EYS: variants seen among roughly 807,000 people sequenced by gnomAD.
EYS encodes the protein EGF-like photoreceptor maintenance factor.
In EYS, 250 loss-of-function variants were observed where a neutral mutation model predicts 282.1. The observed-to-expected ratio is 0.89, with a 90% CI of 0.80 to 0.98. EYS has a LOEUF of 0.98. Among genes scored for constraint, EYS ranks in the 50% least tolerant of loss-of-function variants. The pLI is 0.00. For missense variants in EYS, 4,016 were observed against 3,709.0 expected, an observed-to-expected ratio of 1.08 and a Z score of -2.15; for synonymous variants, 1,355 against 1,282.9, an observed-to-expected ratio of 1.06 and a Z score of -1.20.
intron 12 of EYS, among the ~76,000 whole-genome samples, chr6:65,069,412 C>T (rs1302294285): frequency 6.6e-6 from 1 of 151,958 alleles, no homozygotes; most frequent in Non-Finnish European, 1.5e-5. Flanking sequence ...CTGCCTTTCC[C>T]TCTACAGAAA....
chr6:63,845,463 T>C (rs763389044), intron 36 of EYS, among the ~76,000 whole-genome samples: 12 of 151,918 alleles, frequency 7.9e-5, no homozygotes, highest in Non-Finnish European at 1.6e-4. Context: ...AATTAAGGCA[T>C]GCAGATGTTA....
chr6:65,031,013 C>T (rs912569538), intron 13 of EYS, among the ~76,000 whole-genome samples: 1 of 151,674 alleles, frequency 6.6e-6, no homozygotes, highest in African/African-American at 2.4e-5. Context: ...TAATTTCAGA[C>T]AAAACAGATT....
intron 29 of EYS, among the ~76,000 whole-genome samples, chr6:64,329,845 CAT>C (rs1479942804): frequency 6.6e-6 from 1 of 152,138 alleles, no homozygotes; most frequent in Admixed American, 6.5e-5. Context: ...GTGTCCAACC[CAT>C]ATACAATGCT....
intron 5 of EYS, chr6:65,490,073 C>T (rs1444128516): frequency 2.0e-5 from 3 of 153,274 alleles, no homozygotes; most frequent in African/African-American, 7.2e-5. Context: ...CATGGCATAC[C>T]TATGTAACAA....
chr6:65,297,824 T>C (rs1054763656), intron 11 of EYS, among the ~76,000 whole-genome samples: 2 of 152,174 alleles, frequency 1.3e-5, no homozygotes, highest in African/African-American at 4.8e-5. Flanking sequence ...CCTAGGTAAA[T>C]TCAAAACAAC....
chr6:64,191,852 G>A lies in EYS; in HGVS notation c.6424+38740C>T, dbSNP rs528803204. On this transcript the variant is annotated intron_variant, in intron 31 of 42. Coordinates refer to ENST00000503581, the MANE Select transcript of EYS (RefSeq NM_001142800.2). Reference sequence around the variant, plus strand: ...CCTTTGGGTATATACCCAGTAATGGGATGGCTGGGTCAAATGGTATTTCTA... The same window carrying A: ...CCTTTGGGTATATACCCAGTAATGGAATGGCTGGGTCAAATGGTATTTCTA... Among the ~76,000 whole-genome samples the A allele has an allele frequency of 9.9e-5, 15 of 151,268 alleles. No individual in the cohort carries two copies. The East Asian group carries it at 2.9e-3, about 30-fold the overall frequency.
intron 35 of EYS, among the ~76,000 whole-genome samples, chr6:63,878,565 GC>G (rs1357804825): frequency 9.2e-5 from 14 of 152,172 alleles, no homozygotes; most frequent in African/African-American, 2.9e-4. Context: ...GCTATGCCCT[GC>G]CCGCAGAGGC....
In EYS at chr6:65,394,558, A is replaced by G. The variant is rs114988585; in HGVS notation, c.1184+7920T>C. Among the ~76,000 whole-genome samples the G allele has an allele frequency of 5.8e-3, 887 of 152,260 alleles. 13 individuals carry two copies. Among genetic ancestry groups the G allele is most frequent in the African/African-American group, 0.02 (851 of 41,546 alleles). On this transcript the variant is annotated intron_variant, in intron 7 of 42. Coordinates refer to ENST00000503581, the MANE Select transcript of EYS (RefSeq NM_001142800.2). ...CCTTTGGAGAAATTTCCAAATGTCT[A>G]TCGAGCTCTGTGAGCTCCTGAGAGA...
chr6:63,980,636 T>C (rs1767043514), intron 35 of EYS, among the ~76,000 whole-genome samples: 1 of 151,920 alleles, frequency 6.6e-6, no homozygotes. Context: ...AAAGGCTGAA[T>C]ATTAACACAT....
At position 63,720,632 on chromosome 6, in the gene EYS, A is replaced by G. The variant is rs2149623409; in HGVS notation, c.9399T>C (p.Asn3133=). The G allele has an allele frequency of 6.6e-7, 1 of 1,520,062 alleles. No individual in the cohort carries two copies. Among genetic ancestry groups the G allele is most frequent in the Non-Finnish European group, 8.8e-7 (1 of 1,132,388 alleles). The allele number at this position is 1,520,062 out of a possible 1,614,324, so 94.2% of individuals were successfully genotyped here. A position where few individuals can be genotyped will look rare whatever the true frequency, so the allele number is the denominator to read the frequency against. The part of the protein sequence containing the change: ...NIELIKLEGY[N]VYDGDEQNEV... ...CATTTTGTTCATCTCCATCATAAAC[A>G]TTGTATCCTTCTAATTTAATTAGTT... The change falls in exon 43 of 43, where the codon AAT becomes AAC. Residue 3133 remains asparagine, a synonymous_variant. Coordinates refer to ENST00000503581, the MANE Select transcript of EYS (RefSeq NM_001142800.2).
intron 5 of EYS, among the ~76,000 whole-genome samples, chr6:65,430,668 T>C (rs1177066179): frequency 1.3e-5 from 2 of 152,104 alleles, no homozygotes; most frequent in Non-Finnish European, 2.9e-5. Context: ...TGGGGAGGAC[T>C]TTATCTTGCA....
At chr6:65,621,484 T>G (rs1766492188) in intron 2 of EYS, among the ~76,000 whole-genome samples, 1 of 150,426 alleles carries the variant, frequency 6.6e-6, no homozygotes, top group Non-Finnish European at 1.5e-5. Flanking sequence ...TACAGCACAC[T>G]GATGGGTCTT....
At chr6:64,255,208 T>C (rs1355954812) in intron 30 of EYS, among the ~76,000 whole-genome samples, 1 of 151,850 alleles carries the variant, frequency 6.6e-6, no homozygotes, top group Non-Finnish European at 1.5e-5. Context: ...ACATTATGAG[T>C]AACAGGTGTG....
At chr6:64,687,081 A>C (rs1024612193) in intron 22 of EYS, among the ~76,000 whole-genome samples, 3 of 151,320 alleles carry the variant, frequency 2.0e-5, no homozygotes, top group Non-Finnish European at 4.4e-5. Context: ...TGTATTAAAG[A>C]AATTGGTTTC....
chr6:63,965,504 C>A (rs1766264563), intron 35 of EYS, among the ~76,000 whole-genome samples: 1 of 152,124 alleles, frequency 6.6e-6, no homozygotes, highest in African/African-American at 2.4e-5. Context: ...GAAAATATAA[C>A]CCTTTGACAA....
At chr6:64,981,530 C>G (rs1230024486) in intron 14 of EYS, among the ~76,000 whole-genome samples, 3 of 150,858 alleles carry the variant, frequency 2.0e-5, no homozygotes, top group Non-Finnish European at 4.5e-5. Context: ...CAAAAATCAT[C>G]ATTTCTTCTC....
chr6:65,459,968 T>TTATATATATATATATATATATA (rs34762215), intron 5 of EYS, among the ~76,000 whole-genome samples: 1 of 80,672 alleles, frequency 1.2e-5, no homozygotes, highest in African/African-American at 3.9e-5. Context: ...TTTGTGTATT[T>TTATATATATATATATATATATA]TATATATATA....
At chr6:65,036,459 GTACAAAA>G (rs1435621435) in intron 13 of EYS, among the ~76,000 whole-genome samples, 1 of 151,698 alleles carries the variant, frequency 6.6e-6, no homozygotes, top group Non-Finnish European at 1.5e-5. Flanking sequence ...AAAAGCAATT[GTACAAAA>G]CCAAAAACTG....
intron 2 of EYS, among the ~76,000 whole-genome samples, chr6:65,519,292 TTGTGTG>T (rs559514333): frequency 1.3e-5 from 2 of 150,386 alleles, no homozygotes; most frequent in East Asian, 3.9e-4. Flanking sequence ...CTGTGTGTGT[TTGTGTG>T]TGTGTGTGTG....
Sources: gnomAD v4.1 joint callset for allele counts (sites outside exome capture counted in the v4.1 genomes callset) on GRCh38, gnomAD v4.1.1 for gene constraint, MANE v1.5 for transcripts, NCBI Gene and HGNC (gene_info 2026-07-23, HGNC 2026-07-21) for gene names.